The following ERBB4 variants were observed in gnomAD, a reference collection of about 807,000 sequenced individuals.
The protein encoded by ERBB4 is erb-b2 receptor tyrosine kinase 4, also known as receptor tyrosine-protein kinase erbB-4.
ERBB4 carries 42 observed loss-of-function variants against 158.0 expected under a neutral mutation model. That is an observed-to-expected ratio of 0.27 (90% CI 0.21 to 0.34). ERBB4 has a LOEUF of 0.34. Ranked by LOEUF, ERBB4 falls within the 10% of genes least tolerant of loss-of-function variation. ERBB4 has a pLI of 1.00. For missense variants in ERBB4, 1,333 were observed against 1,624.1 expected, an observed-to-expected ratio of 0.82 and a Z score of 3.08; for synonymous variants, 583 against 558.7, an observed-to-expected ratio of 1.04 and a Z score of -0.61.
At chr2:212,279,643 T>C (rs1402064080) in intron 1 of ERBB4, among the ~76,000 whole-genome samples, 2 of 151,668 alleles carry the variant, frequency 1.3e-5, no homozygotes, top group Non-Finnish European at 3.0e-5. Flanking sequence ...TTTTGCTTTT[T>C]TAATTAATCA....
chr2:212,530,080 A>C (rs1348990031), intron 1 of ERBB4, among the ~76,000 whole-genome samples: 1 of 152,178 alleles, frequency 6.6e-6, no homozygotes, highest in Non-Finnish European at 1.5e-5. Flanking sequence ...AATAAAAACT[A>C]AGATAATATT....
chr2:211,399,555 A>C (rs2062990649), intron 25 of ERBB4, among the ~76,000 whole-genome samples: 1 of 152,148 alleles, frequency 6.6e-6, no homozygotes, highest in Non-Finnish European at 1.5e-5. Flanking sequence ...ATTATATCTC[A>C]TCTAGTACAC....
chr2:212,108,706 CTTTT>C (rs775193964), intron 2 of ERBB4, among the ~76,000 whole-genome samples: 2 of 97,066 alleles, frequency 2.1e-5, no homozygotes, highest in African/African-American at 7.9e-5. Context: ...AATGGGTCTG[CTTTT>C]TTTTTTTTTT....
rs2062501553 is a variant in ERBB4, at chr2:211,377,805, G to A, written c.*5810C>T. The A allele has an allele frequency of 4.3e-6, 1 of 232,540 alleles. No homozygotes were observed. Among genetic ancestry groups the A allele is most frequent in the East Asian group, 6.1e-5 (1 of 16,518 alleles). 14.4% of individuals were successfully genotyped at this position (232,540 alleles called of 1,614,324 possible). Reference sequence around the variant, plus strand: ...ACCAAGTGTATGTGGACATATGTGAGTTTCAAGATTCATCACAGGGCTAAC... The same window carrying A: ...ACCAAGTGTATGTGGACATATGTGAATTTCAAGATTCATCACAGGGCTAAC... On this transcript the variant is annotated 3_prime_UTR_variant, in exon 28 of 28. Transcript: ENST00000342788.
intron 2 of ERBB4, among the ~76,000 whole-genome samples, chr2:211,987,610 G>C (rs1279046932): frequency 6.6e-6 from 1 of 151,948 alleles, no homozygotes; most frequent in Admixed American, 6.6e-5. Context: ...TGTGATGAAG[G>C]CTGGTTTCCT....
intron 3 of ERBB4, among the ~76,000 whole-genome samples, chr2:211,930,128 G>T (rs1348310238): frequency 6.6e-6 from 1 of 151,924 alleles, no homozygotes; most frequent in African/African-American, 2.4e-5. Context: ...AAAATAAAAT[G>T]ACAGAGTAAT....
At chr2:211,728,895 T>C (rs1477360117) in intron 5 of ERBB4, among the ~76,000 whole-genome samples, 3 of 151,812 alleles carry the variant, frequency 2.0e-5, no homozygotes, top group African/African-American at 7.2e-5. Flanking sequence ...TAGAAAATAA[T>C]TACAATGATA....
intron 3 of ERBB4, among the ~76,000 whole-genome samples, chr2:211,818,016 G>A (rs566560045): frequency 1.3e-5 from 2 of 152,140 alleles, no homozygotes; most frequent in Admixed American, 6.6e-5. Context: ...ATTGTTCATT[G>A]ACTCTGTATC....
chr2:212,105,445 C>G (rs766344471), intron 2 of ERBB4, among the ~76,000 whole-genome samples: 1 of 152,096 alleles, frequency 6.6e-6, no homozygotes, highest in African/African-American at 2.4e-5. Flanking sequence ...TTGTCACTCC[C>G]GTTTTCAAAG....
intron 2 of ERBB4, among the ~76,000 whole-genome samples, chr2:211,981,650 T>G (rs2081799823): frequency 6.6e-6 from 1 of 152,210 alleles, no homozygotes; most frequent in South Asian, 2.1e-4. Context: ...GATGTGCTTT[T>G]GAAACCCTCA....
chr2:211,477,337 T>A (rs2064980520), intron 20 of ERBB4, among the ~76,000 whole-genome samples: 1 of 152,006 alleles, frequency 6.6e-6, no homozygotes, highest in Non-Finnish European at 1.5e-5. Context: ...CTCCTACACA[T>A]ACTAACATAC....
chr2:211,984,569 G>A (rs2081890076), intron 2 of ERBB4, among the ~76,000 whole-genome samples: 1 of 151,970 alleles, frequency 6.6e-6, no homozygotes, highest in South Asian at 2.1e-4. Context: ...GCTGAAGGCA[G>A]AAATTCAGGT....
At chr2:212,248,619 A>G (rs1159382950) in intron 1 of ERBB4, among the ~76,000 whole-genome samples, 1 of 152,162 alleles carries the variant, frequency 6.6e-6, no homozygotes, top group Admixed American at 6.6e-5. Context: ...GGTCACCACA[A>G]ATTTAATCCG....
intron 20 of ERBB4, among the ~76,000 whole-genome samples, chr2:211,515,469 T>C (rs996553210): frequency 6.6e-6 from 1 of 152,068 alleles, no homozygotes; most frequent in African/African-American, 2.4e-5. Context: ...CTTGCAAGTC[T>C]GGATGGACAG....
chr2:211,741,367 A>T (rs1559476776), intron 5 of ERBB4, among the ~76,000 whole-genome samples: 1 of 151,856 alleles, frequency 6.6e-6, no homozygotes, highest in Non-Finnish European at 1.5e-5. Flanking sequence ...CTCTGCTTAG[A>T]ATAGCTATCT....
intron 1 of ERBB4, among the ~76,000 whole-genome samples, chr2:212,393,261 C>A (rs2090930811): frequency 2.0e-5 from 3 of 152,024 alleles, no homozygotes; most frequent in Admixed American, 2.0e-4. Flanking sequence ...AATTATAGTG[C>A]CTATTTCAAT....
chr2:212,194,970 GT>G (rs1193250233), intron 1 of ERBB4, among the ~76,000 whole-genome samples: 1 of 151,914 alleles, frequency 6.6e-6, no homozygotes, highest in African/African-American at 2.4e-5. Context: ...ATATACTGAA[GT>G]TTTTAAAAAT....
In ERBB4 at chr2:211,506,836, C is replaced by T. The variant is rs114201804; in HGVS notation, c.2487+55067G>A. 5.9e-3 allele frequency among the ~76,000 whole-genome samples: 897 copies of T among 152,022 alleles called. 6 individuals carry two copies. Among genetic ancestry groups the T allele is most frequent in the African/African-American group, 0.021 (862 of 41,508 alleles). On this transcript the variant is annotated intron_variant, in intron 20 of 27. Coordinates refer to ENST00000342788, the MANE Select transcript of ERBB4 (RefSeq NM_005235.3). ...CTCAAATATAATGTCACACTTCCAA[C>T]CCCAAAGCTAGCAGAATAAAAGAAA...
intron 3 of ERBB4, among the ~76,000 whole-genome samples, chr2:211,793,042 G>T (rs1207492477): frequency 2.6e-5 from 4 of 151,750 alleles, no homozygotes; most frequent in Admixed American, 1.3e-4. Context: ...TAACATCCCT[G>T]CTGAAAATAC....
Sources: gnomAD v4.1 joint callset for allele counts (sites outside exome capture counted in the v4.1 genomes callset) on GRCh38, gnomAD v4.1.1 for gene constraint, MANE v1.5 for transcripts, NCBI Gene and HGNC (gene_info 2026-07-23, HGNC 2026-07-21) for gene names.